PALLD: variants seen among roughly 807,000 people sequenced by gnomAD.
PALLD encodes palladin.
Under a neutral mutation model 123.5 loss-of-function variants are expected in PALLD, and 61 were observed. The ratio of observed to expected loss-of-function variants is 0.49; its 90% CI spans 0.40 to 0.61. PALLD has a LOEUF of 0.61. Ranked by LOEUF, PALLD falls within the 20% of genes least tolerant of loss-of-function variation. PALLD has a pLI of 0.00. For synonymous variants in PALLD, 465 were observed against 496.4 expected, an observed-to-expected ratio of 0.94 and a Z score of 0.84; for missense variants, 1,273 against 1,377.0, an observed-to-expected ratio of 0.92 and a Z score of 1.20.
At chr4:168,753,420 T>C (rs1731335221) in intron 10 of PALLD, among the ~76,000 whole-genome samples, 1 of 151,606 alleles carries the variant, frequency 6.6e-6, no homozygotes, top group Non-Finnish European at 1.5e-5. Flanking sequence ...TTCCCTTGCT[T>C]CTGAGTTGGG....
At chr4:168,729,151 C>G (rs1283939965) in intron 10 of PALLD, among the ~76,000 whole-genome samples, 1 of 152,104 alleles carries the variant, frequency 6.6e-6, no homozygotes, top group African/African-American at 2.4e-5. Context: ...TCTTTTTAGT[C>G]AGAACAAAGG....
At chr4:168,685,135 G>A (rs139397013) in intron 5 of PALLD, among the ~76,000 whole-genome samples, 24 of 152,242 alleles carry the variant, frequency 1.6e-4, no homozygotes, top group Non-Finnish European at 2.9e-4. Context: ...AATCCAAACT[G>A]TATTTAAAAA....
At position 168,625,502 on chromosome 4, in the gene PALLD, G is replaced by GATAGATATATATATAT; in HGVS notation, c.909-42685_909-42684insGATATATATATATATA. ...TCCAATAAGGGATTAATATCCAGGA[G>GATAGATATATATATAT]ATATATATATATATATCCTATAAGG... On this transcript the variant is annotated intron_variant, in intron 2 of 21. Coordinates refer to ENST00000505667, the MANE Select transcript of PALLD (RefSeq NM_001166108.2). Among the ~76,000 whole-genome samples, 24 of 114,476 alleles carry GATAGATATATATATAT rather than the reference G, an allele frequency of 2.1e-4. 2 individuals are homozygous for GATAGATATATATATAT. The highest frequency in any genetic ancestry group is 5.0e-4 in the African/African-American group (15 of 30,030). The allele number at this position is 114,476 out of a possible 152,430, so 75.1% of individuals were successfully genotyped here.
At chr4:168,723,117 G>A (rs1038881787) in intron 10 of PALLD, among the ~76,000 whole-genome samples, 5 of 152,154 alleles carry the variant, frequency 3.3e-5, no homozygotes, top group African/African-American at 1.2e-4. Flanking sequence ...CAGAGGAAGT[G>A]GTCAGGGAAC....
intron 2 of PALLD, among the ~76,000 whole-genome samples, chr4:168,663,410 T>C (rs1490149803): frequency 6.6e-6 from 1 of 152,080 alleles, no homozygotes; most frequent in Non-Finnish European, 1.5e-5. Flanking sequence ...CTGTTTTGAG[T>C]AATTCCAGTG....
chr4:168,858,813 G>A (rs1354941864), intron 10 of PALLD, among the ~76,000 whole-genome samples: 2 of 151,130 alleles, frequency 1.3e-5, no homozygotes, highest in Non-Finnish European at 3.0e-5. Context: ...AAAAAATCCA[G>A]AGTGGGCTTT....
chr4:168,832,744 C>T (rs568411381), intron 10 of PALLD: 2 of 152,356 alleles, frequency 1.3e-5, no homozygotes, highest in South Asian at 4.1e-4. Context: ...CACCTGGGCG[C>T]CATTCAAAGG....
At chr4:168,912,502 C>A (rs1331504792) in intron 15 of PALLD, among the ~76,000 whole-genome samples, 1 of 152,172 alleles carries the variant, frequency 6.6e-6, no homozygotes, top group African/African-American at 2.4e-5. Context: ...ACCAAAGTAA[C>A]AATGTGTGGC....
intron 2 of PALLD, among the ~76,000 whole-genome samples, chr4:168,601,132 C>T (rs1389202831): frequency 1.3e-5 from 2 of 151,722 alleles, no homozygotes; most frequent in African/African-American, 4.9e-5. Context: ...CTAGTTGTAA[C>T]ATAGGTCCAA....
chr4:168,644,930 G>A (rs1777293380), intron 2 of PALLD, among the ~76,000 whole-genome samples: 1 of 151,946 alleles, frequency 6.6e-6, no homozygotes, highest in African/African-American at 2.4e-5. Context: ...TGGAAACCCT[G>A]TCTCTACTAA....
Position 168,605,182 on chromosome 4 carries a change from G to A in PALLD, c.909-63008G>A, listed in dbSNP as rs1027286799. ...AATCAATCTCCTGGTGCTCTGACTT[G>A]GATCCTATGTTTTCAGCCCCTGGAG... is the stretch of plus-strand genomic sequence containing the variant. On this transcript the variant is annotated intron_variant, in intron 2 of 21. Coordinates refer to ENST00000505667, the MANE Select transcript of PALLD (RefSeq NM_001166108.2). Among the ~76,000 whole-genome samples the A allele has an allele frequency of 3.3e-5, 5 of 151,928 alleles. No homozygotes were observed. In the South Asian group the frequency reaches 8.3e-4, roughly 25 times the overall value.
chr4:168,622,052 A>G (rs1225540606), intron 2 of PALLD, among the ~76,000 whole-genome samples: 1 of 151,986 alleles, frequency 6.6e-6, no homozygotes. Flanking sequence ...TCTTCCAGTC[A>G]CTCCTCGCAC....
Position 168,511,660 on chromosome 4 carries a change from C to T in PALLD, c.156C>T (p.Asp52=). ...ACCTGGCCCGGAGAGCCATAGCCGA[C>T]TCCGAAACAGAAGATTTTGACTCGG... ...SLDLARRAIA[D]SETEDFDSEK... is the part of the protein sequence containing the mutation. The change falls in exon 2 of 22, where the codon GAC becomes GAT. Residue 52 remains aspartate (D), a synonymous_variant. Transcript: ENST00000505667. The T allele has an allele frequency of 6.2e-7, 1 of 1,614,164 alleles. No homozygotes were observed. The highest frequency in any genetic ancestry group is 8.5e-7 in the Non-Finnish European group (1 of 1,180,030).
intron 8 of PALLD, chr4:168,700,008 T>C: frequency 3.8e-6 from 1 of 260,092 alleles, no homozygotes; most frequent in Non-Finnish European, 7.8e-6. Flanking sequence ...TTACCAAAAT[T>C]TATTTTACAG....
At position 168,891,027 on chromosome 4, in the gene PALLD, C is replaced by T; in HGVS notation, c.2070C>T (p.Phe690=). 1 of 1,614,138 alleles carries T rather than the reference C, an allele frequency of 6.2e-7. No individual in the cohort carries two copies. Among genetic ancestry groups the T allele is most frequent in the Non-Finnish European group, 8.5e-7 (1 of 1,179,996 alleles). The change falls in exon 11 of 22, where the codon TTC becomes TTT. Residue 690 remains phenylalanine (F), a synonymous_variant. Transcript: ENST00000505667. ...AAGACCTGGAACGAAAACTTCGCTT[C>T]AAGGAGGACCTCCTGAACAATGGCC... is the stretch of plus-strand genomic sequence containing the variant. The part of the protein sequence containing the change: ...VIQDLERKLR[F]KEDLLNNGQP...
intron 8 of PALLD, among the ~76,000 whole-genome samples, chr4:168,693,981 G>A (rs532364351): frequency 1.3e-5 from 2 of 152,332 alleles, no homozygotes; most frequent in South Asian, 2.1e-4. Flanking sequence ...CAGTGTATTT[G>A]TGCTTAAACA....
intron 2 of PALLD, among the ~76,000 whole-genome samples, chr4:168,611,511 AC>A (rs1320485183): frequency 2.6e-5 from 4 of 152,126 alleles, no homozygotes; most frequent in African/African-American, 9.7e-5. Context: ...AAACAAAAAC[AC>A]CTAAACCTAC....
At chr4:168,552,752 T>C (rs978436538) in intron 2 of PALLD, among the ~76,000 whole-genome samples, 6 of 152,162 alleles carry the variant, frequency 3.9e-5, no homozygotes, top group Non-Finnish European at 8.8e-5. Flanking sequence ...CTCAGCTCAC[T>C]GCAACCTCTG....
intron 10 of PALLD, among the ~76,000 whole-genome samples, chr4:168,855,672 A>G (rs1043138309): frequency 1.3e-5 from 2 of 152,186 alleles, no homozygotes; most frequent in African/African-American, 4.8e-5. Context: ...AGAGTTCTAT[A>G]TAGTTCAGCC....
Sources: allele counts gnomAD v4.1 joint callset (sites outside exome capture counted in the v4.1 genomes callset), GRCh38; gene constraint gnomAD v4.1.1; transcripts MANE v1.5; gene names NCBI Gene and HGNC (gene_info 2026-07-23, HGNC 2026-07-21).